Variants in PPM1A observed in about 807,000 individuals in gnomAD.
The protein encoded by PPM1A is protein phosphatase, Mg2+/Mn2+ dependent 1A, also known as protein phosphatase 1A.
PPM1A carries 7 observed loss-of-function variants against 35.0 expected under a neutral mutation model. That is an observed-to-expected ratio of 0.20 (90% CI 0.11 to 0.38). The LOEUF (loss-of-function observed/expected upper bound fraction) is 0.38. Among genes scored for constraint, PPM1A ranks in the 10% least tolerant of loss-of-function variants. The pLI is 1.00. For missense variants in PPM1A, 239 were observed against 467.8 expected, an observed-to-expected ratio of 0.51 and a Z score of 4.51; for synonymous variants, 153 against 167.3, an observed-to-expected ratio of 0.91 and a Z score of 0.66.
chr14:60,286,512 T>C, intron 3 of PPM1A: 1 of 985,282 alleles, frequency 1.0e-6, no homozygotes, highest in Non-Finnish European at 1.2e-6. Context: ...GCTGGTGAGC[T>C]GAGGTAGAAA....
intron 1 of PPM1A, among the ~76,000 whole-genome samples, chr14:60,260,909 A>G (rs1190676007): frequency 6.6e-6 from 1 of 152,184 alleles, no homozygotes; most frequent in Non-Finnish European, 1.5e-5. Context: ...TAAGTTATTG[A>G]GAGACTGCAT....
intron 3 of PPM1A, chr14:60,286,283 C>G (rs1449259819): frequency 1.0e-6 from 1 of 985,678 alleles, no homozygotes; most frequent in African/African-American, 1.7e-5. Context: ...CTCACCTAAA[C>G]AAGATAGACC....
At chr14:60,258,854 C>T (rs922721701) in intron 1 of PPM1A, among the ~76,000 whole-genome samples, 2 of 152,052 alleles carry the variant, frequency 1.3e-5, no homozygotes, top group African/African-American at 4.8e-5. Context: ...AATCTCTTTC[C>T]TCCTGGATCT....
At chr14:60,247,587 G>GCCA (rs1881867444), upstream of PPM1A, among the ~76,000 whole-genome samples, 1 of 128,862 alleles carries the variant, frequency 7.8e-6, no homozygotes, top group Non-Finnish European at 1.5e-5. Flanking sequence ...CCGAGATTGT[G>GCCA]CCACTGTACT....
chr14:60,275,291 A>AGTGT (rs1207734647), intron 1 of PPM1A, among the ~76,000 whole-genome samples: 1 of 151,786 alleles, frequency 6.6e-6, no homozygotes, highest in Non-Finnish European at 1.5e-5. Context: ...GGAGAATTGG[A>AGTGT]GTGTAAGTCC....
chr14:60,263,675 A>G (rs537624866), intron 1 of PPM1A, among the ~76,000 whole-genome samples: 28 of 152,154 alleles, frequency 1.8e-4, no homozygotes, highest in South Asian at 8.3e-4. Context: ...CTCCCACCCA[A>G]TTGTTTTTAT....
At chr14:60,291,890 T>C (rs1355342861) in intron 5 of PPM1A, among the ~76,000 whole-genome samples, 4 of 152,050 alleles carry the variant, frequency 2.6e-5, no homozygotes, top group Non-Finnish European at 5.9e-5. Flanking sequence ...AATACCTTTG[T>C]CAGGAATCCT....
At chr14:60,287,501 C>T (rs1887137388) in intron 3 of PPM1A, 1 of 985,074 alleles carries the variant, frequency 1.0e-6, no homozygotes, top group Non-Finnish European at 1.2e-6. Context: ...GTTGTGTGTC[C>T]TCAGTGAAAA....
At chr14:60,269,332 A>C (rs1884789595) in intron 1 of PPM1A, among the ~76,000 whole-genome samples, 1 of 152,194 alleles carries the variant, frequency 6.6e-6, no homozygotes, top group African/African-American at 2.4e-5. Flanking sequence ...TGAAACATGG[A>C]TAACACTACT....
chr14:60,269,935 G>C (rs184208305), intron 1 of PPM1A, among the ~76,000 whole-genome samples: 2 of 152,312 alleles, frequency 1.3e-5, no homozygotes, highest in East Asian at 3.9e-4. Context: ...TCTACTAAAT[G>C]TATCTAGTAC....
intron 1 of PPM1A, among the ~76,000 whole-genome samples, chr14:60,257,112 C>A (rs981821903): frequency 7.9e-5 from 12 of 152,150 alleles, no homozygotes; most frequent in Admixed American, 2.0e-4. Flanking sequence ...GTTCCACAAG[C>A]CATACACACT....
At chr14:60,262,939 G>C (rs1010286145) in intron 1 of PPM1A, among the ~76,000 whole-genome samples, 7 of 152,084 alleles carry the variant, frequency 4.6e-5, no homozygotes, top group Non-Finnish European at 1.0e-4. Flanking sequence ...ATAGTTCCTG[G>C]GTTTTGGCTG....
rs547581603 is a variant in PPM1A at position 60,285,460 on chromosome 14, G to GCACA, written c.835-156_835-153dup. Among the ~76,000 whole-genome samples the GCACA allele has an allele frequency of 2.4e-4, 30 of 124,778 alleles. No individual in the cohort carries two copies. The East Asian group carries it at 5.1e-3, about 21-fold the overall frequency. The allele number at this position is 124,778 out of a possible 152,430, so 81.9% of individuals were successfully genotyped here. Reference sequence around the variant, plus strand: ...ACTGTTCGGGGGAGGGGGAGTCATTGCACACACACACGCACGCATGCGTGC... The same window carrying GCACA: ...ACTGTTCGGGGGAGGGGGAGTCATTGCACACACACACACACGCACGCATGCGTGC... On this transcript the variant is annotated intron_variant, in intron 2 of 5. Coordinates refer to ENST00000395076, the MANE Select transcript of PPM1A (RefSeq NM_021003.5).
At chr14:60,288,433 G>T (rs1373054240) in intron 3 of PPM1A, 1 of 984,522 alleles carries the variant, frequency 1.0e-6, no homozygotes, top group Non-Finnish European at 1.2e-6. Context: ...TTGTGAAATT[G>T]TGCAGTTTAG....
intron 5 of PPM1A, among the ~76,000 whole-genome samples, chr14:60,291,753 T>TG (rs1017602549): frequency 6.6e-6 from 1 of 151,152 alleles, no homozygotes; most frequent in African/African-American, 2.4e-5. Context: ...CTACATGGTT[T>TG]TTTTTTTTTT....
intron 2 of PPM1A, among the ~76,000 whole-genome samples, chr14:60,284,854 C>T (rs917277044): frequency 2.1e-4 from 32 of 151,696 alleles, no homozygotes; most frequent in Non-Finnish European, 3.5e-4. Flanking sequence ...AGGCCCTTGA[C>T]TTGGGTTCAG....
In PPM1A at chr14:60,268,265, C is replaced by A. The variant is rs1025179527; in HGVS notation, c.-20-14419C>A. On this transcript the variant is annotated intron_variant, in intron 1 of 5. Coordinates refer to ENST00000395076, the MANE Select transcript of PPM1A (RefSeq NM_021003.5). ...CTCTGAAGTTTTTTGAGGGATAGTT[C>A]TTTAATAACTTTCTCATATTGTTCC... is the stretch of plus-strand genomic sequence containing the variant. 4 of 980,140 alleles carry A rather than the reference C, an allele frequency of 4.1e-6. No homozygotes were observed. In the African/African-American group the frequency reaches 5.3e-5, roughly 13 times the overall value. 60.7% of individuals were successfully genotyped at this position (980,140 alleles called of 1,614,324 possible).
rs775119723 is a variant in PPM1A, at chr14:60,282,964, G to A, written c.261G>A (p.Gly87=). The part of the protein sequence containing the change: ...DHITNNQDFK[G]SAGAPSVENV... ...TCACCAATAACCAGGATTTTAAAGG[G>A]TCTGCAGGAGCACCTTCTGTGGAAA... Residue 87 remains glycine, a synonymous_variant, in exon 2 of 6, where the codon GGG becomes GGA. Coordinates refer to ENST00000395076, the MANE Select transcript of PPM1A (RefSeq NM_021003.5). The surrounding 1 kb of genome is among the most constrained non-coding windows in gnomAD (Gnocchi z 5.1). 3.7e-6 allele frequency: 6 copies of A among 1,614,236 alleles called. No individual in the cohort carries two copies. Among genetic ancestry groups the A allele is most frequent in the African/African-American group, 2.7e-5 (2 of 75,074 alleles).
At chr14:60,247,331 ATCT>A (rs1881844644), upstream of PPM1A, among the ~76,000 whole-genome samples, 1 of 152,154 alleles carries the variant, frequency 6.6e-6, no homozygotes, top group Non-Finnish European at 1.5e-5. Context: ...ATCCACGATC[ATCT>A]TCTAAGGAAT....
Sources: allele counts gnomAD v4.1 joint callset (sites outside exome capture counted in the v4.1 genomes callset), GRCh38; gene constraint gnomAD v4.1.1; non-coding constraint Gnocchi (gnomAD v3.1); transcripts MANE v1.5; gene names NCBI Gene and HGNC (gene_info 2026-07-23, HGNC 2026-07-21).